The following PDGFD variants were observed in gnomAD, a reference collection of about 807,000 sequenced individuals.
PDGFD encodes the protein platelet derived growth factor D.
PDGFD carries 30 observed loss-of-function variants against 44.7 expected under a neutral mutation model. The ratio of observed to expected loss-of-function variants is 0.67; its 90% confidence interval spans 0.50 to 0.91. The LOEUF (loss-of-function observed/expected upper bound fraction) is 0.91. Among genes scored for constraint, PDGFD ranks in the 40% least tolerant of loss-of-function variants. PDGFD has a pLI of 0.00. For synonymous variants in PDGFD, 173 were observed against 168.4 expected, an observed-to-expected ratio of 1.03 and a Z score of -0.21; for missense variants, 445 against 457.8, an observed-to-expected ratio of 0.97 and a Z score of 0.25.
chr11:103,977,026 C>T (rs990215579), intron 3 of PDGFD, among the ~76,000 whole-genome samples: 3 of 152,026 alleles, frequency 2.0e-5, no homozygotes, highest in Non-Finnish European at 4.4e-5. Context: ...ACTGATCCCA[C>T]AGAAATACAA....
chr11:104,116,542 G>A (rs930091758), intron 1 of PDGFD, among the ~76,000 whole-genome samples: 8 of 150,976 alleles, frequency 5.3e-5, no homozygotes, highest in Non-Finnish European at 1.5e-5. Flanking sequence ...TATGAAGCCA[G>A]TATTACCCTA....
intron 1 of PDGFD, among the ~76,000 whole-genome samples, chr11:104,095,004 G>C (rs1023365013): frequency 6.6e-6 from 1 of 151,996 alleles, no homozygotes; most frequent in Non-Finnish European, 1.5e-5. Flanking sequence ...TTACTCAAAG[G>C]CATCAAGATC....
chr11:104,145,990 A>C (rs955820188), intron 1 of PDGFD, among the ~76,000 whole-genome samples: 67 of 152,194 alleles, frequency 4.4e-4, no homozygotes, highest in Admixed American at 4.1e-3. Context: ...AAATTTGCCA[A>C]CACCTTGAAT....
intron 1 of PDGFD, among the ~76,000 whole-genome samples, chr11:104,006,361 A>C (rs770386991): frequency 1.8e-4 from 27 of 152,120 alleles, no homozygotes; most frequent in Non-Finnish European, 3.2e-4. Context: ...TCTTATTCCT[A>C]CTTTCCTGCC....
At chr11:103,973,529 C>G (rs1382820447) in intron 3 of PDGFD, among the ~76,000 whole-genome samples, 1 of 152,126 alleles carries the variant, frequency 6.6e-6, no homozygotes, top group Admixed American at 6.6e-5. Context: ...TAATCCTGCA[C>G]ACCTATGATG....
chr11:104,134,094 T>C (rs1413109160), intron 1 of PDGFD, among the ~76,000 whole-genome samples: 1 of 151,620 alleles, frequency 6.6e-6, no homozygotes, highest in Non-Finnish European at 1.5e-5. Context: ...AAATATAAAC[T>C]ATATTTTTGA....
At chr11:104,007,172 T>C (rs890619287) in intron 1 of PDGFD, among the ~76,000 whole-genome samples, 3 of 152,116 alleles carry the variant, frequency 2.0e-5, no homozygotes, top group Non-Finnish European at 4.4e-5. Flanking sequence ...ATCAGGGAAG[T>C]ATCCCGTTTT....
At chr11:103,943,270 A>T (rs1858614599) in intron 5 of PDGFD, among the ~76,000 whole-genome samples, 182 bp downstream of exon 5, 1 of 152,168 alleles carries the variant, frequency 6.6e-6, no homozygotes, top group South Asian at 2.1e-4. Context: ...AACATTTTGG[A>T]GTTCAGATTT....
chr11:103,939,303 T>C (rs1285145423), intron 5 of PDGFD, among the ~76,000 whole-genome samples: 1 of 152,184 alleles, frequency 6.6e-6, no homozygotes, highest in Non-Finnish European at 1.5e-5. Context: ...AGGTATTTTA[T>C]TCTCTTTGAA....
At chr11:104,139,157 C>A (rs893965595) in intron 1 of PDGFD, among the ~76,000 whole-genome samples, 13 of 152,110 alleles carry the variant, frequency 8.5e-5, no homozygotes, top group African/African-American at 3.1e-4. Context: ...TTTATCTGAT[C>A]TAGCAATAAT....
At chr11:103,937,329 G>A (rs1196705542) in intron 5 of PDGFD, among the ~76,000 whole-genome samples, 1 of 151,774 alleles carries the variant, frequency 6.6e-6, no homozygotes, top group African/African-American at 2.4e-5. Flanking sequence ...ATTTTTCTTT[G>A]GTGAACACAC....
intron 1 of PDGFD, among the ~76,000 whole-genome samples, chr11:104,019,861 A>G (rs1019863357): frequency 1.3e-5 from 2 of 152,222 alleles, no homozygotes; most frequent in Admixed American, 6.5e-5. Context: ...ACTACTTTCT[A>G]GTTGTGTGTC....
chr11:103,988,914 A>T (rs915740473), intron 3 of PDGFD, among the ~76,000 whole-genome samples: 1 of 152,238 alleles, frequency 6.6e-6, no homozygotes, highest in Non-Finnish European at 1.5e-5. Context: ...ACTTAGTAGT[A>T]ACGGAATATT....
chr11:104,042,370 G>GA (rs1158936798), intron 1 of PDGFD, among the ~76,000 whole-genome samples: 1 of 152,108 alleles, frequency 6.6e-6, no homozygotes, highest in Admixed American at 6.6e-5. Context: ...TCTGTTATCA[G>GA]AAAAAAATGG....
intron 1 of PDGFD, among the ~76,000 whole-genome samples, chr11:104,087,446 A>T (rs1273205931): frequency 1.3e-5 from 2 of 152,008 alleles, no homozygotes; most frequent in Non-Finnish European, 1.5e-5. Flanking sequence ...TGGCCTCATG[A>T]TCCACCCGCC....
chr11:104,064,493 G>A (rs576630442), intron 1 of PDGFD, among the ~76,000 whole-genome samples: 1 of 152,116 alleles, frequency 6.6e-6, no homozygotes. Context: ...TGTTCAAAAG[G>A]TGAACTCAGT....
chr11:104,144,507 C>CAAAAAAAAAA (rs201864924), intron 1 of PDGFD, among the ~76,000 whole-genome samples: 10 of 73,798 alleles, frequency 1.4e-4, no homozygotes, highest in African/African-American at 6.3e-4. Context: ...ACTCCGTCAC[C>CAAAAAAAAAA]AAAAAAAAAA....
chr11:104,143,378 G>A (rs1431608456), intron 1 of PDGFD, among the ~76,000 whole-genome samples: 1 of 152,156 alleles, frequency 6.6e-6, no homozygotes, highest in African/African-American at 2.4e-5. Context: ...AAATTAGAAA[G>A]GGATCTTGAG....
chr11:104,097,727 A>G (rs113290856), intron 1 of PDGFD, among the ~76,000 whole-genome samples: 4,280 of 152,328 alleles, frequency 0.028, 194 homozygotes, highest in African/African-American at 0.098. Flanking sequence ...AAGAAGATGC[A>G]GCTGTTATCC....
Sources: gnomAD v4.1 joint callset for allele counts (sites outside exome capture counted in the v4.1 genomes callset) on GRCh38, gnomAD v4.1.1 for gene constraint, MANE v1.5 for transcripts, NCBI Gene and HGNC (gene_info 2026-07-23, HGNC 2026-07-21) for gene names.